Variants in DNAJC10 observed in about 807,000 individuals in gnomAD.
DNAJC10 encodes the protein endoplasmic reticulum disulfide reductase DNAJC10.
Under a neutral mutation model 115.0 loss-of-function variants are expected in DNAJC10, and 101 were observed. The observed-to-expected ratio is 0.88, with a 90% CI of 0.75 to 1.04. DNAJC10 has a LOEUF of 1.04. DNAJC10 is among the 50% of genes least tolerant of loss of function. The pLI is 0.00. For synonymous variants in DNAJC10, 307 were observed against 301.5 expected (o/e 1.02, Z -0.19); for missense variants, 981 against 928.8 (o/e 1.06, Z -0.73).
At chr2:182,745,083 C>T (rs1183169237) in intron 14 of DNAJC10, among the ~76,000 whole-genome samples, 1 of 152,162 alleles carries the variant, frequency 6.6e-6, no homozygotes, top group Admixed American at 6.6e-5. Flanking sequence ...TGTCACTTTT[C>T]TGCCTTGACT....
chr2:182,722,093 A>C lies in DNAJC10; in HGVS notation c.418+18A>C. ...AGAATTTGGTAAGTTTGTGGGCTTA[A>C]GGTTTTATAAAACTAATACAAGTTC... is the stretch of plus-strand genomic sequence containing the variant. On this transcript the variant is annotated intron_variant, in intron 5 of 23. Transcript: ENST00000264065. The C allele has an allele frequency of 6.5e-7, 1 of 1,536,790 alleles. No homozygotes were observed. Among genetic ancestry groups the C allele is most frequent in the Non-Finnish European group, 8.8e-7 (1 of 1,132,030 alleles).
In DNAJC10 at chr2:182,794,080, T is replaced by C. The variant is rs1204737665; in HGVS notation, c.*16948T>C. 6.6e-6 allele frequency: 1 copy of C among 152,032 alleles called. No homozygotes were observed. The highest frequency in any genetic ancestry group is 1.5e-5 in the Non-Finnish European group (1 of 68,032). 9.4% of individuals were successfully genotyped at this position (152,032 alleles called of 1,614,324 possible). ...CTCCAAATGAAGGCATAAACAACAA[T>C]GCATGGGGATCCAAGAAACAGTGAC... is the stretch of plus-strand genomic sequence containing the variant. On this transcript the variant is annotated 3_prime_UTR_variant, in exon 24 of 24. Coordinates refer to ENST00000264065, the MANE Select transcript of DNAJC10 (RefSeq NM_018981.4).
intron 22 of DNAJC10, among the ~76,000 whole-genome samples, chr2:182,768,743 A>G (rs1439950091): frequency 1.3e-5 from 2 of 152,068 alleles, no homozygotes; most frequent in Non-Finnish European, 2.9e-5. Flanking sequence ...GTTGCTTTCC[A>G]TTACTGTTGT....
chr2:182,736,102 TC>T, intron 10 of DNAJC10, 146 bp from the exon 11 acceptor site: 1 of 511,170 alleles, frequency 2.0e-6, no homozygotes, highest in Non-Finnish European at 3.1e-6. Flanking sequence ...ATATTAGAAA[TC>T]TACTTTTTAA....
chr2:182,757,775 C>A lies in DNAJC10; in HGVS notation c.1893C>A (p.Tyr631Ter). 1 of 1,582,814 alleles carries A rather than the reference C, an allele frequency of 6.3e-7. No homozygotes were observed. The highest frequency in any genetic ancestry group is 2.3e-5 in the East Asian group (1 of 44,338). Reference protein sequence around the residue: ...SFCAQENVQRYPEIRFFPPKS... With the variant: ...SFCAQENVQR ...GTGCCCAGGAAAACGTTCAAAGATA[C>A]CCTGAGATAAGATTTTTTCCCCCAA... Residue 631 changes from tyrosine to a stop codon, truncating the protein, a stop_gained, in exon 19 of 24, where the codon TAC becomes TAA. Coordinates refer to ENST00000264065, the MANE Select transcript of DNAJC10 (RefSeq NM_018981.4). LOFTEE classifies it high-confidence loss of function.
At chr2:182,718,807 A>C (rs1693066424) in intron 3 of DNAJC10, among the ~76,000 whole-genome samples, 1 of 152,206 alleles carries the variant, frequency 6.6e-6, no homozygotes, top group Non-Finnish European at 1.5e-5. Context: ...CCAGTCATAA[A>C]TATTTATGTA....
In DNAJC10 at chr2:182,722,073, T is replaced by A. The variant is rs747518120; in HGVS notation, c.416T>A (p.Phe139Tyr). 162 of 1,565,612 alleles carry A rather than the reference T, an allele frequency of 1.0e-4. No individual in the cohort carries two copies. The highest frequency in any genetic ancestry group is 1.2e-4 in the Non-Finnish European group (138 of 1,150,972). Residue 139 changes from phenylalanine to tyrosine, a missense_variant and splice_region_variant, in exon 5 of 24, where the codon TTT becomes TAT. Physicochemically the swap from Phe to Tyr is conservative, Grantham distance 22. Transcript: ENST00000264065. ...ATCATAACATTGGAAAGAAGAGAAT[T>A]TGGTAAGTTTGTGGGCTTAAGGTTT... ...PEIITLERREFDAAVNSGELW... is the reference protein window; with the variant it reads ...PEIITLERREYDAAVNSGELW...
At chr2:182,755,144 G>C (rs1048404534) in intron 17 of DNAJC10, 40 bp downstream of exon 17, 1 of 1,247,288 alleles carries the variant, frequency 8.0e-7, no homozygotes. Context: ...AAATTTGTCT[G>C]TTTCTATGTA....
At position 182,788,578 on chromosome 2, in the gene DNAJC10, T is replaced by C; in HGVS notation, c.*11446T>C. 1 of 250,664 alleles carries C rather than the reference T, an allele frequency of 4.0e-6. No individual in the cohort carries two copies. The highest frequency in any genetic ancestry group is 4.3e-4 in the Middle Eastern group (1 of 2,312). The allele number at this position is 250,664 out of a possible 1,614,324, so 15.5% of individuals were successfully genotyped here. On this transcript the variant is annotated 3_prime_UTR_variant, in exon 24 of 24. Coordinates refer to ENST00000264065, the MANE Select transcript of DNAJC10 (RefSeq NM_018981.4). ...TAAGGATGGACAGTTTAAGTACTTA[T>C]CTCAAAAGGAAAAATGTTAGCAATT...
intron 10 of DNAJC10, among the ~76,000 whole-genome samples, chr2:182,733,033 T>C (rs1034844992): frequency 1.3e-5 from 2 of 152,040 alleles, no homozygotes; most frequent in East Asian, 3.9e-4. Flanking sequence ...AATAATGTTA[T>C]GTTAGGTGTA....
intron 21 of DNAJC10, among the ~76,000 whole-genome samples, chr2:182,761,208 A>G (rs1215132847): frequency 2.0e-5 from 3 of 152,182 alleles, no homozygotes; most frequent in African/African-American, 7.2e-5. Context: ...TAAAATTAGA[A>G]TGAAGCTGGA....
rs1694951121 is a variant in DNAJC10 at position 182,786,618 on chromosome 2, T to G, written c.*9486T>G. The G allele has an allele frequency of 6.6e-6, 1 of 152,234 alleles. No individual in the cohort carries two copies. Among genetic ancestry groups the G allele is most frequent in the Non-Finnish European group, 1.5e-5 (1 of 68,080 alleles). 9.4% of individuals were successfully genotyped at this position (152,234 alleles called of 1,614,324 possible). ...ACCTAGGTGACCAACCAGCAGCACC[T>G]AGCTTTTGCCAGCTACGCAGCTTTG... is the stretch of plus-strand genomic sequence containing the variant. On this transcript the variant is annotated 3_prime_UTR_variant, in exon 24 of 24. Transcript: ENST00000264065.
At chr2:182,758,985 T>G (rs192284185) in intron 20 of DNAJC10, 95 bp downstream of exon 20, 2 of 1,148,932 alleles carry the variant, frequency 1.7e-6, no homozygotes, top group East Asian at 4.9e-5. Context: ...GGGTTAAGGT[T>G]CTAGCATTTT....
Position 182,750,282 on chromosome 2 carries a change from A to G in DNAJC10, c.1307-1376A>G, listed in dbSNP as rs566223860. Among the ~76,000 whole-genome samples the G allele has an allele frequency of 1.2e-3, 186 of 152,324 alleles. 1 individual carries two copies. The highest frequency in any genetic ancestry group is 4.2e-3 in the African/African-American group (176 of 41,576). On this transcript the variant is annotated intron_variant, in intron 14 of 23. Transcript: ENST00000264065. The stretch of plus-strand genomic sequence containing the variant: ...GGATTAGTTAAGGAAGACTGGGTGA[A>G]GAAACACTAGCTAGGTTATTGCAGA...
intron 11 of DNAJC10, among the ~76,000 whole-genome samples, chr2:182,738,992 T>A (rs1403338965): frequency 6.6e-6 from 1 of 151,972 alleles, no homozygotes; most frequent in Admixed American, 6.5e-5. Flanking sequence ...TCTAGTAGAT[T>A]AAGCACTGCA....
At chr2:182,756,516 GTTTA>G (rs1694160465) in intron 18 of DNAJC10, 47 bp downstream of exon 18, 2 of 1,544,712 alleles carry the variant, frequency 1.3e-6, no homozygotes, top group Non-Finnish European at 1.8e-6. Flanking sequence ...TACTAAGAAT[GTTTA>G]TTTAACAGAA....
At chr2:182,761,476 T>G (rs1458079559) in intron 21 of DNAJC10, among the ~76,000 whole-genome samples, 1 of 152,132 alleles carries the variant, frequency 6.6e-6, no homozygotes, top group Non-Finnish European at 1.5e-5. Flanking sequence ...GGGACGAAAC[T>G]AGAGGCAGCA....
At chr2:182,724,566 A>G (rs746516757) in intron 5 of DNAJC10, among the ~76,000 whole-genome samples, 39 of 152,310 alleles carry the variant, frequency 2.6e-4, no homozygotes, top group Non-Finnish European at 4.3e-4. Flanking sequence ...AGAAACAGGT[A>G]CAGGACTCAG....
At chr2:182,717,885 T>G (rs1693036059) in intron 2 of DNAJC10, 56 bp from the exon 3 acceptor site, 1 of 414,660 alleles carries the variant, frequency 2.4e-6, no homozygotes. Context: ...ATAAATAAAT[T>G]GTGCTATTAT....
Sources: allele counts gnomAD v4.1 joint callset (sites outside exome capture counted in the v4.1 genomes callset), GRCh38; gene constraint gnomAD v4.1.1; transcripts MANE v1.5; gene names NCBI Gene and HGNC (gene_info 2026-07-23, HGNC 2026-07-21).